The following MALRD1 variants were observed in gnomAD, a reference collection of about 807,000 sequenced individuals.
MALRD1 encodes the protein MAM and LDL-receptor class A domain-containing protein 1.
In MALRD1, 247 loss-of-function variants were observed where a neutral mutation model predicts 242.1. That is an observed-to-expected ratio of 1.02 (90% CI 0.92 to 1.13). The LOEUF (loss-of-function observed/expected upper bound fraction) is 1.13, where lower values mean the gene tolerates loss of function less well. Among genes scored for constraint, MALRD1 ranks in the 50% most tolerant of loss-of-function variants. MALRD1 has a pLI of 0.00. For missense variants in MALRD1, 2,989 were observed against 2,533.1 expected, an observed-to-expected ratio of 1.18 and a Z score of -3.86; for synonymous variants, 995 against 866.6, an observed-to-expected ratio of 1.15 and a Z score of -2.60.
chr10:19,690,759 T>C (rs1842784352), intron 36 of MALRD1, among the ~76,000 whole-genome samples: 1 of 151,818 alleles, frequency 6.6e-6, no homozygotes, highest in Admixed American at 6.6e-5. Flanking sequence ...TTTAGATAAA[T>C]AGGCAGTGTA....
chr10:19,589,530 A>T (rs1837648334), intron 33 of MALRD1, among the ~76,000 whole-genome samples: 1 of 152,304 alleles, frequency 6.6e-6, no homozygotes, highest in East Asian at 1.9e-4. Context: ...CCTAAAGCAC[A>T]TAAACTAAGC....
chr10:19,444,016 G>A (rs1834817761), intron 28 of MALRD1, among the ~76,000 whole-genome samples: 1 of 152,180 alleles, frequency 6.6e-6, no homozygotes, highest in African/African-American at 2.4e-5. Context: ...TATATATTTA[G>A]AATAGTTAGC....
At chr10:19,241,432 A>C (rs1272207991) in intron 18 of MALRD1, among the ~76,000 whole-genome samples, 2 of 151,534 alleles carry the variant, frequency 1.3e-5, no homozygotes, top group African/African-American at 4.8e-5. Flanking sequence ...CTCCTTTTTC[A>C]TCTTTTATTT....
intron 1 of MALRD1, among the ~76,000 whole-genome samples, chr10:19,055,569 G>C (rs78968778): frequency 6.6e-6 from 1 of 152,026 alleles, no homozygotes; most frequent in Non-Finnish European, 1.5e-5. Context: ...TCCATTTCAA[G>C]TTGATTATTT....
intron 1 of MALRD1, among the ~76,000 whole-genome samples, chr10:19,065,725 G>A (rs929547428): frequency 1.3e-5 from 2 of 152,162 alleles, no homozygotes; most frequent in Non-Finnish European, 2.9e-5. Context: ...CAGGTCTTCT[G>A]TTTCTCCCTA....
At chr10:19,520,567 G>T (rs563684554) in intron 31 of MALRD1, among the ~76,000 whole-genome samples, 1 of 152,278 alleles carries the variant, frequency 6.6e-6, no homozygotes, top group East Asian at 1.9e-4. Context: ...GTGTCTTGCA[G>T]ATTTAGTTTT....
chr10:19,691,283 A>G (rs1461116945), intron 36 of MALRD1, among the ~76,000 whole-genome samples: 11 of 152,142 alleles, frequency 7.2e-5, no homozygotes, highest in African/African-American at 2.4e-5. Context: ...GCATTCTGAT[A>G]GGCCTCCATG....
At chr10:19,433,876 ACACACACACACACGCG>A (rs924681535) in intron 28 of MALRD1, among the ~76,000 whole-genome samples, 3 of 151,968 alleles carry the variant, frequency 2.0e-5, no homozygotes, top group Admixed American at 2.0e-4. Flanking sequence ...TGGCAAACAC[ACACACACACACACGCG>A]CACACACACA....
At chr10:19,217,312 G>C (rs1351864044) in intron 18 of MALRD1, among the ~76,000 whole-genome samples, 1 of 152,076 alleles carries the variant, frequency 6.6e-6, no homozygotes, top group African/African-American at 2.4e-5. Flanking sequence ...ATTGCCAGTA[G>C]TCCAGAGTTC....
rs181870257 is a variant in MALRD1, at chr10:19,661,024, A to T, written c.6138-31258A>T. Among the ~76,000 whole-genome samples the T allele has an allele frequency of 5.9e-5, 9 of 152,344 alleles. No individual in the cohort carries two copies. The East Asian group carries it at 1.7e-3, about 29-fold the overall frequency. On this transcript the variant is annotated intron_variant, in intron 36 of 39. Coordinates refer to ENST00000454679, the MANE Select transcript of MALRD1 (RefSeq NM_001142308.3). ...GAAGACATTTATGCAGCCAACAGAC[A>T]CATGAAAAAATGCTCATCATCAGTG...
intron 28 of MALRD1, among the ~76,000 whole-genome samples, chr10:19,444,688 G>A (rs1834864296): frequency 6.6e-6 from 1 of 152,188 alleles, no homozygotes. Flanking sequence ...TTGTTAATCT[G>A]ATGGGCATCC....
intron 33 of MALRD1, among the ~76,000 whole-genome samples, chr10:19,586,172 T>C (rs1837390889): frequency 6.6e-6 from 1 of 152,200 alleles, no homozygotes; most frequent in Non-Finnish European, 1.5e-5. Context: ...TTGGTGTGAA[T>C]GTCCTCCCAT....
intron 35 of MALRD1, among the ~76,000 whole-genome samples, chr10:19,614,359 AGG>A (rs1839040204): frequency 6.6e-6 from 1 of 152,078 alleles, no homozygotes; most frequent in African/African-American, 2.4e-5. Context: ...GACATTTTAT[AGG>A]GACTCAGAAT....
chr10:19,558,012 A>C (rs1183538560), intron 32 of MALRD1, among the ~76,000 whole-genome samples: 1 of 151,958 alleles, frequency 6.6e-6, no homozygotes, highest in Non-Finnish European at 1.5e-5. Flanking sequence ...TTTTGGTGCT[A>C]ATATAAATTT....
At chr10:19,322,802 A>G (rs925573371) in intron 21 of MALRD1, among the ~76,000 whole-genome samples, 2 of 152,178 alleles carry the variant, frequency 1.3e-5, no homozygotes, top group Non-Finnish European at 2.9e-5. Flanking sequence ...AAATTTCAAA[A>G]TAAAATAGCT....
At chr10:19,114,628 A>C (rs984767095) in intron 5 of MALRD1, among the ~76,000 whole-genome samples, 1 of 152,168 alleles carries the variant, frequency 6.6e-6, no homozygotes, top group Non-Finnish European at 1.5e-5. Flanking sequence ...CTGGAAAAAA[A>C]AATGATATTT....
intron 28 of MALRD1, among the ~76,000 whole-genome samples, chr10:19,417,080 C>T (rs1254605010): frequency 1.3e-5 from 2 of 152,142 alleles, no homozygotes; most frequent in Admixed American, 6.5e-5. Flanking sequence ...CCTTGGTTTT[C>T]CTCCCACTTT....
intron 36 of MALRD1, among the ~76,000 whole-genome samples, chr10:19,655,035 C>T (rs1419306789): frequency 3.3e-5 from 5 of 151,966 alleles, no homozygotes; most frequent in African/African-American, 9.7e-5. Context: ...GAAACAAACA[C>T]GATGCAATTT....
At chr10:19,716,896 A>G (rs950256201) in intron 38 of MALRD1, 4 of 152,228 alleles carry the variant, frequency 2.6e-5, no homozygotes, top group Admixed American at 6.5e-5. Flanking sequence ...TCATTCTGCA[A>G]TATAGCAAAA....
Sources: gnomAD v4.1 joint callset for allele counts (sites outside exome capture counted in the v4.1 genomes callset) on GRCh38, gnomAD v4.1.1 for gene constraint, MANE v1.5 for transcripts, NCBI Gene and HGNC (gene_info 2026-07-23, HGNC 2026-07-21) for gene names.